The following OR10T2 variants were observed in gnomAD, a reference collection of about 807,000 sequenced individuals.
The protein encoded by OR10T2 is olfactory receptor family 10 subfamily T member 2, also known as olfactory receptor 10T2.
For missense variants in OR10T2, 416 were observed against 372.3 expected, an observed-to-expected ratio of 1.12 and a Z score of -0.97; for synonymous variants, 162 against 144.1, an observed-to-expected ratio of 1.12 and a Z score of -0.89.
At position 158,398,762 on chromosome 1, in the gene OR10T2, C is replaced by G; in HGVS notation, c.705G>C (p.Lys235Asn). ...GTGAGGCACAGGTGACAAAGGCCTT[C>G]TTGCCCTCAGCTGAGGGGATCTTCA... is the stretch of plus-strand genomic sequence containing the variant. ...TILKIPSAEG[K>N]KAFVTCASHL... is the part of the protein sequence containing the mutation. Residue 235 changes from lysine (K) to asparagine (N), a missense_variant, in exon 1 of 1, where the codon AAG (lysine) becomes AAC (asparagine). Lys to Asn is a moderately conservative substitution (Grantham distance 94, BLOSUM62 0). Transcript: ENST00000334438. 1 of 1,614,054 alleles carries G rather than the reference C, an allele frequency of 6.2e-7. No individual in the cohort carries two copies. The highest frequency in any genetic ancestry group is 1.1e-5 in the South Asian group (1 of 91,064).
At position 158,399,356 on chromosome 1, in the gene OR10T2, C is replaced by A; in HGVS notation, c.111G>T (p.Leu37Phe). 6.2e-7 allele frequency: 1 copy of A among 1,613,992 alleles called. No individual in the cohort carries two copies. Among genetic ancestry groups the A allele is most frequent in the South Asian group, 1.1e-5 (1 of 91,060 alleles). Residue 37 changes from leucine (L) to phenylalanine (F), a missense_variant, in exon 1 of 1, where the codon TTG becomes TTT. Physicochemically the swap from Leu to Phe is conservative, Grantham distance 22 (BLOSUM62 0). Transcript: ENST00000334438. The stretch of plus-strand genomic sequence containing the variant: ...TGGTCACATTGGCCACCAGGATTGT[C>A]AAGTATAGGAGAAGAAAGATGACAA... ...LLFVIFLLLY[L>F]TILVANVTIM...
chr1:158,398,839 C>A lies in OR10T2; in HGVS notation c.628G>T (p.Val210Leu), dbSNP rs1654729752. Residue 210 changes from valine to leucine, a missense_variant, in exon 1 of 1, where the codon GTG becomes TTG. Transcript: ENST00000334438. ...GATATGAGAATTAACAGAAAAGGCACCATAATTACCAGGATGCTGAGGCTA... is the reference window on the plus strand; with the variant it reads ...GATATGAGAATTAACAGAAAAGGCAACATAATTACCAGGATGCTGAGGCTA... ...LFSLSILVIM[V>L]PFLLILISYG... The A allele has an allele frequency of 1.2e-6, 2 of 1,614,130 alleles. No individual in the cohort carries two copies. Among genetic ancestry groups the A allele is most frequent in the Non-Finnish European group, 1.7e-6 (2 of 1,180,012 alleles).
rs1654738621 is a variant in OR10T2, at chr1:158,399,131, G to A, written c.336C>T (p.Asn112=). The change falls in exon 1 of 1, where the codon AAC becomes AAT. Residue 112 remains asparagine, a synonymous_variant. Transcript: ENST00000334438. ...LFFFLGFACT[N]CLLIAVMGYD... ...ATCCCATCACAGCAATGAGGAGGCA[G>A]TTGGTGCAAGCAAAGCCAAGGAAAA... is the stretch of plus-strand genomic sequence containing the variant. 1 of 1,614,182 alleles carries A rather than the reference G, an allele frequency of 6.2e-7. No individual in the cohort carries two copies. The highest frequency in any genetic ancestry group is 1.3e-5 in the African/African-American group (1 of 75,050).
chr1:158,398,815 AT>A lies in OR10T2; in HGVS notation c.651del (p.Ser218ProfsTer5), dbSNP rs751316525. 1.5e-5 allele frequency: 25 copies of A among 1,614,146 alleles called. No individual in the cohort carries two copies. The African/African-American group carries it at 2.0e-4, about 13-fold the overall frequency. ...ATGGTGTTAACTATGAAGCCATAGG[AT>A]ATGAGAATTAACAGAAAAGGCACCA... is the stretch of plus-strand genomic sequence containing the variant. The part of the protein sequence containing the change: ...VIMVPFLLIL[I>X]SYGFIVNTIL... On this transcript the variant is annotated frameshift_variant, in exon 1 of 1. Coordinates refer to ENST00000334438, the MANE Select transcript of OR10T2 (RefSeq NM_001004475.1). LOFTEE classifies it low-confidence loss of function (END_TRUNC).
chr1:158,399,370 G>A lies in OR10T2; in HGVS notation c.97C>T (p.Leu33Phe), dbSNP rs1198982435. The change falls in exon 1 of 1, where the codon CTT becomes TTT. Residue 33 changes from leucine to phenylalanine, a missense_variant. Transcript: ENST00000334438. ...ACCAGGATTGTCAAGTATAGGAGAA[G>A]AAAGATGACAAAAAGCAGCAGCTGG... ...ELQLLLFVIF[L>F]LLYLTILVAN... The A allele has an allele frequency of 6.2e-7, 1 of 1,614,080 alleles. No homozygotes were observed. Among genetic ancestry groups the A allele is most frequent in the East Asian group, 2.2e-5 (1 of 44,878 alleles).
In OR10T2 at chr1:158,398,828, C is replaced by G. The variant is rs757564358; in HGVS notation, c.639G>C (p.Leu213=). The change falls in exon 1 of 1, where the codon CTG becomes CTC. Residue 213 remains leucine, a synonymous_variant. Transcript: ENST00000334438. The part of the protein sequence containing the change: ...LSILVIMVPF[L]LILISYGFIV... ...TGAAGCCATAGGATATGAGAATTAACAGAAAAGGCACCATAATTACCAGGA... is the reference window on the plus strand; with the variant it reads ...TGAAGCCATAGGATATGAGAATTAAGAGAAAAGGCACCATAATTACCAGGA... 6.2e-7 allele frequency: 1 copy of G among 1,614,138 alleles called. No individual in the cohort carries two copies. Among genetic ancestry groups the G allele is most frequent in the Admixed American group, 1.7e-5 (1 of 60,008 alleles).
chr1:158,398,835 G>T lies in OR10T2; in HGVS notation c.632C>A (p.Pro211His), dbSNP rs1654729614. Reference sequence around the variant, plus strand: ...ATAGGATATGAGAATTAACAGAAAAGGCACCATAATTACCAGGATGCTGAG... The same window carrying T: ...ATAGGATATGAGAATTAACAGAAAATGCACCATAATTACCAGGATGCTGAG... ...FSLSILVIMV[P>H]FLLILISYGF... The change falls in exon 1 of 1, where the codon CCT becomes CAT. Residue 211 changes from proline (P) to histidine (H), a missense_variant. Coordinates refer to ENST00000334438, the MANE Select transcript of OR10T2 (RefSeq NM_001004475.1). 1.2e-6 allele frequency: 2 copies of T among 1,614,148 alleles called. No individual in the cohort carries two copies. Among genetic ancestry groups the T allele is most frequent in the South Asian group, 1.1e-5 (1 of 91,068 alleles).
At position 158,399,417 on chromosome 1, in the gene OR10T2, C is replaced by T. The variant is rs774593397; in HGVS notation, c.50G>A (p.Gly17Asp). ...TTVVTQFILV[G>D]FSSLGELQLL... The stretch of plus-strand genomic sequence containing the variant: ...CTGGAGCTCCCCCAGGCTGGAGAAA[C>T]CCACCAGGATGAACTGTGTAACCAC... The change falls in exon 1 of 1, where the codon GGT becomes GAT. Residue 17 changes from glycine to aspartate, a missense_variant. Coordinates refer to ENST00000334438, the MANE Select transcript of OR10T2 (RefSeq NM_001004475.1). The T allele has an allele frequency of 1.2e-6, 2 of 1,613,854 alleles. No individual in the cohort carries two copies. The highest frequency in any genetic ancestry group is 2.2e-5 in the East Asian group (1 of 44,878).
Position 158,399,348 on chromosome 1 carries a change from A to G in OR10T2, c.119T>C (p.Leu40Pro), listed in dbSNP as rs200413591. 5.0e-4 allele frequency: 804 copies of G among 1,613,982 alleles called. No homozygotes were observed. The highest frequency in any genetic ancestry group is 6.2e-4 in the Non-Finnish European group (735 of 1,179,994). Reference sequence around the variant, plus strand: ...GGCCATGATGGTCACATTGGCCACCAGGATTGTCAAGTATAGGAGAAGAAA... The same window carrying G: ...GGCCATGATGGTCACATTGGCCACCGGGATTGTCAAGTATAGGAGAAGAAA... ...VIFLLLYLTI[L>P]VANVTIMAVI... is the part of the protein sequence containing the mutation. Residue 40 changes from leucine to proline, a missense_variant, in exon 1 of 1, where the codon CTG (leucine) becomes CCG (proline). Transcript: ENST00000334438.
In OR10T2 at chr1:158,398,758, C is replaced by G. The variant is rs768989881; in HGVS notation, c.709G>C (p.Ala237Pro). 4 of 1,613,994 alleles carry G rather than the reference C, an allele frequency of 2.5e-6. No homozygotes were observed. In the East Asian group the frequency reaches 6.7e-5, roughly 27 times the overall value. Residue 237 changes from alanine to proline, a missense_variant, in exon 1 of 1, where the codon GCC becomes CCC. Coordinates refer to ENST00000334438, the MANE Select transcript of OR10T2 (RefSeq NM_001004475.1). ...LKIPSAEGKK[A>P]FVTCASHLTV... is the part of the protein sequence containing the mutation. ...AGATGTGAGGCACAGGTGACAAAGG[C>G]CTTCTTGCCCTCAGCTGAGGGGATC...
rs1439889472 is a variant in OR10T2, at chr1:158,399,036, T to C, written c.431A>G (p.Glu144Gly). Residue 144 changes from glutamate (E) to glycine (G), a missense_variant, in exon 1 of 1, where the codon GAG (glutamate) becomes GGG (glycine). By Grantham distance (98) the Glu-to-Gly change is moderately conservative. Transcript: ENST00000334438. ...TLIINKRLGL[E>G]LISLSGATGF... ...TGTGGCTCCTGAGAGAGAAATCAAC[T>C]CCAACCCCAGCCTTTTGTTTATGAT... 1.2e-6 allele frequency: 2 copies of C among 1,614,056 alleles called. No individual in the cohort carries two copies. The highest frequency in any genetic ancestry group is 1.7e-6 in the Non-Finnish European group (2 of 1,180,002).
Position 158,398,529 on chromosome 1 carries a change from A to T in OR10T2, c.938T>A (p.Met313Lys), listed in dbSNP as rs771925528. 2.7e-5 allele frequency: 42 copies of T among 1,578,912 alleles called. No homozygotes were observed. Among genetic ancestry groups the T allele is most frequent in the Non-Finnish European group, 3.6e-5 (42 of 1,159,172 alleles). ...RVLGMPVATK[M>K]S is the part of the protein sequence containing the mutation. ...TTTTATTATTATTTTTTGTTAGCTC[A>T]TCTTGGTTGCCACAGGCATTCCAAG... The change falls in exon 1 of 1, where the codon ATG becomes AAG. Residue 313 changes from methionine (M) to lysine (K), a missense_variant. Met to Lys is a moderately conservative substitution (Grantham distance 95). Transcript: ENST00000334438.
chr1:158,399,343 C>A lies in OR10T2; in HGVS notation c.124G>T (p.Ala42Ser), dbSNP rs1268983639. ...ATAACGGCCATGATGGTCACATTGGCCACCAGGATTGTCAAGTATAGGAGA... is the reference window on the plus strand; with the variant it reads ...ATAACGGCCATGATGGTCACATTGGACACCAGGATTGTCAAGTATAGGAGA... ...FLLLYLTILVANVTIMAVIRF... is the reference protein window; with the variant it reads ...FLLLYLTILVSNVTIMAVIRF... Residue 42 changes from alanine (A) to serine (S), a missense_variant, in exon 1 of 1, where the codon GCC (alanine) becomes TCC (serine). Ala to Ser is a moderately conservative substitution (Grantham distance 99, BLOSUM62 1). Coordinates refer to ENST00000334438, the MANE Select transcript of OR10T2 (RefSeq NM_001004475.1). 2 of 1,613,850 alleles carry A rather than the reference C, an allele frequency of 1.2e-6. No homozygotes were observed. The highest frequency in any genetic ancestry group is 2.7e-5 in the African/African-American group (2 of 74,886).
In OR10T2 at chr1:158,399,359, G is replaced by A. The variant is rs151222108; in HGVS notation, c.108C>T (p.Tyr36=). The A allele has an allele frequency of 4.5e-5, 73 of 1,614,058 alleles. No individual in the cohort carries two copies. The African/African-American group carries it at 8.5e-4, about 19-fold the overall frequency. ...TCACATTGGCCACCAGGATTGTCAA[G>A]TATAGGAGAAGAAAGATGACAAAAA... is the stretch of plus-strand genomic sequence containing the variant. ...LLLFVIFLLL[Y]LTILVANVTI... The change falls in exon 1 of 1, where the codon TAC becomes TAT. Residue 36 remains tyrosine, a synonymous_variant. Coordinates refer to ENST00000334438, the MANE Select transcript of OR10T2 (RefSeq NM_001004475.1).
In OR10T2 at chr1:158,399,224, CT is replaced by C; in HGVS notation, c.242del (p.Gln81ArgfsTer38). On this transcript the variant is annotated frameshift_variant, in exon 1 of 1. Coordinates refer to ENST00000334438, the MANE Select transcript of OR10T2 (RefSeq NM_001004475.1). LOFTEE classifies it low-confidence loss of function (END_TRUNC). ...TGTCTGAGAGCAGGTGGACCAGCAG[CT>C]GAGGGATGATGACAAAAGTGTAGCA... is the stretch of plus-strand genomic sequence containing the variant. ...ESCYTFVIIP[Q>X]LLVHLLSDTK... The C allele has an allele frequency of 6.2e-7, 1 of 1,614,110 alleles. No homozygotes were observed. The highest frequency in any genetic ancestry group is 8.5e-7 in the Non-Finnish European group (1 of 1,180,002).
Position 158,399,231 on chromosome 1 carries a change from A to G in OR10T2, c.236T>C (p.Ile79Thr), listed in dbSNP as rs781241370. 5.0e-6 allele frequency: 8 copies of G among 1,614,136 alleles called. No homozygotes were observed. Among genetic ancestry groups the G allele is most frequent in the Admixed American group, 1.7e-5 (1 of 60,028 alleles). The stretch of plus-strand genomic sequence containing the variant: ...GAGCAGGTGGACCAGCAGCTGAGGG[A>G]TGATGACAAAAGTGTAGCAGGACTC... ...FSESCYTFVI[I>T]PQLLVHLLSD... is the part of the protein sequence containing the mutation. Residue 79 changes from isoleucine to threonine, a missense_variant, in exon 1 of 1, where the codon ATC becomes ACC. Physicochemically the swap from Ile to Thr is moderately conservative, Grantham distance 89. Transcript: ENST00000334438.
Position 158,398,758 on chromosome 1 carries a change from C to T in OR10T2, c.709G>A (p.Ala237Thr), listed in dbSNP as rs768989881. 1.9e-6 allele frequency: 3 copies of T among 1,613,994 alleles called. No homozygotes were observed. In the East Asian group the frequency reaches 6.7e-5, roughly 36 times the overall value. ...AGATGTGAGGCACAGGTGACAAAGG[C>T]CTTCTTGCCCTCAGCTGAGGGGATC... Reference protein sequence around the residue: ...LKIPSAEGKKAFVTCASHLTV... With the variant: ...LKIPSAEGKKTFVTCASHLTV... Residue 237 changes from alanine to threonine, a missense_variant, in exon 1 of 1, where the codon GCC (alanine) becomes ACC (threonine). By Grantham distance (58) the Ala-to-Thr change is moderately conservative. Coordinates refer to ENST00000334438, the MANE Select transcript of OR10T2 (RefSeq NM_001004475.1).
rs995624238 is a variant in OR10T2, at chr1:158,399,299, G to A, written c.168C>T (p.Leu56=). Residue 56 remains leucine (L), a synonymous_variant, in exon 1 of 1, where the codon CTC becomes CTT. Coordinates refer to ENST00000334438, the MANE Select transcript of OR10T2 (RefSeq NM_001004475.1). The part of the protein sequence containing the change: ...IMAVIRFSWT[L]HTPMYGFLFI... ...ATAGAAAGCCATACATGGGAGTGTG[G>A]AGAGTCCAGCTGAAGCGAATAACGG... 1.4e-5 allele frequency: 22 copies of A among 1,613,972 alleles called. No homozygotes were observed. The highest frequency in any genetic ancestry group is 3.4e-6 in the Non-Finnish European group (4 of 1,180,008).
chr1:158,399,142 C>G lies in OR10T2; in HGVS notation c.325G>C (p.Ala109Pro). Residue 109 changes from alanine (A) to proline (P), a missense_variant, in exon 1 of 1, where the codon GCT (alanine) becomes CCT (proline). Coordinates refer to ENST00000334438, the MANE Select transcript of OR10T2 (RefSeq NM_001004475.1). ...ATQLFFFLGF[A>P]CTNCLLIAVM... is the part of the protein sequence containing the mutation. ...GCAATGAGGAGGCAGTTGGTGCAAGCAAAGCCAAGGAAAAAGAACAGCTGG... is the reference window on the plus strand; with the variant it reads ...GCAATGAGGAGGCAGTTGGTGCAAGGAAAGCCAAGGAAAAAGAACAGCTGG... 4.3e-6 allele frequency: 7 copies of G among 1,614,090 alleles called. No individual in the cohort carries two copies. The highest frequency in any genetic ancestry group is 5.9e-6 in the Non-Finnish European group (7 of 1,180,014).
Sources: allele counts gnomAD v4.1 joint callset, GRCh38; gene constraint gnomAD v4.1.1; transcripts MANE v1.5; gene names NCBI Gene and HGNC (gene_info 2026-07-23, HGNC 2026-07-21).